Variants in RPS6KC1 observed in about 807,000 individuals in gnomAD.
RPS6KC1 encodes the protein ribosomal protein S6 kinase C1, also known as inactive ribosomal protein S6 kinase delta-1.
In RPS6KC1, 54 loss-of-function variants were observed where a neutral mutation model predicts 103.8. That is an observed-to-expected ratio of 0.52 (90% CI 0.42 to 0.65). RPS6KC1 has a LOEUF of 0.65. Among genes scored for constraint, RPS6KC1 ranks in the 30% least tolerant of loss-of-function variants. The probability of loss-of-function intolerance (pLI) is 0.00; values close to 1 mark genes in which losing one functional copy is unlikely to be tolerated. For synonymous variants in RPS6KC1, 439 were observed against 438.7 expected, an observed-to-expected ratio of 1.00 and a Z score of -0.01; for missense variants, 1,151 against 1,253.8, an observed-to-expected ratio of 0.92 and a Z score of 1.24.
chr1:213,098,388 C>T (rs1475065125), intron 3 of RPS6KC1, among the ~76,000 whole-genome samples: 4 of 151,536 alleles, frequency 2.6e-5, no homozygotes, highest in East Asian at 1.9e-4. Context: ...CTGATCAGCC[C>T]GCCTCAGCCT....
the RPS6KC1 span, among the ~76,000 whole-genome samples, chr1:213,664,059 C>T: frequency 2.6e-5 from 4 of 152,226 alleles, no homozygotes; most frequent in South Asian, 2.1e-4. Flanking sequence ...GTGCAGATGC[C>T]GCAGGTCACA....
At chr1:213,129,980 T>C (rs771542968) in intron 6 of RPS6KC1, 91 bp downstream of exon 6, 24 of 1,240,400 alleles carry the variant, frequency 1.9e-5, no homozygotes, top group Non-Finnish European at 2.5e-5. Context: ...TATAGTCTTA[T>C]GGAAATAATA....
At chr1:213,336,620 CA>C in the RPS6KC1 span, among the ~76,000 whole-genome samples, 1 of 152,148 alleles carries the variant, frequency 6.6e-6, no homozygotes, top group Non-Finnish European at 1.5e-5. Flanking sequence ...ATACCTTTTC[CA>C]ATTTAATCCT....
the RPS6KC1 span, among the ~76,000 whole-genome samples, chr1:213,514,181 TAAAATC>T: frequency 1.3e-5 from 2 of 152,208 alleles, no homozygotes; most frequent in African/African-American, 4.8e-5. Context: ...TTCACAAACT[TAAAATC>T]AAATTTTTAG....
the RPS6KC1 span, among the ~76,000 whole-genome samples, chr1:213,546,126 A>T: frequency 6.6e-6 from 1 of 152,338 alleles, no homozygotes; most frequent in African/African-American, 2.4e-5. Context: ...TGAACTAAAG[A>T]GCAATATAGA....
rs985791980 is a variant in RPS6KC1 at position 213,240,568 on chromosome 1, G to A, written c.1226-134G>A. 9.7e-6 allele frequency: 7 copies of A among 724,998 alleles called. No individual in the cohort carries two copies. The African/African-American group carries it at 1.2e-4, about 13-fold the overall frequency. The allele number at this position is 724,998 out of a possible 1,614,324, so 44.9% of individuals were successfully genotyped here. The stretch of plus-strand genomic sequence containing the variant: ...TTTTATTAAATATGCTTATCTTATG[G>A]CACACGATATTAATGGATATTATTG... On this transcript the variant is annotated intron_variant, in intron 10 of 14. Transcript: ENST00000366960.
the RPS6KC1 span, among the ~76,000 whole-genome samples, chr1:213,350,323 G>A: frequency 2.0e-5 from 3 of 152,188 alleles, no homozygotes; most frequent in Non-Finnish European, 2.9e-5. Flanking sequence ...TGTGCAGTGG[G>A]TGATATTCTG....
chr1:213,822,242 T>G, the RPS6KC1 span: 5,895 of 152,306 alleles, frequency 0.039, 223 homozygotes, highest in East Asian at 0.18. Flanking sequence ...CTTCTGGTTT[T>G]CTTTCTACAT....
At chr1:213,797,138 A>T in the RPS6KC1 span, among the ~76,000 whole-genome samples, 2 of 152,252 alleles carry the variant, frequency 1.3e-5, no homozygotes, top group African/African-American at 4.8e-5. Context: ...GGAAGAAACC[A>T]TAAAACATCA....
intron 8 of RPS6KC1, among the ~76,000 whole-genome samples, chr1:213,199,365 T>G (rs2093067105): frequency 6.6e-6 from 1 of 152,108 alleles, no homozygotes; most frequent in African/African-American, 2.4e-5. Flanking sequence ...CATGATTGAT[T>G]CATCACATAA....
At chr1:213,176,710 A>G in intron 8 of RPS6KC1, 1 of 339,074 alleles carries the variant, frequency 2.9e-6, no homozygotes. Context: ...GAGAAGGCGC[A>G]TATTTGTTGG....
intron 10 of RPS6KC1, among the ~76,000 whole-genome samples, chr1:213,235,428 AAAATT>A (rs1187145641): frequency 3.3e-5 from 5 of 152,178 alleles, no homozygotes; most frequent in Non-Finnish European, 5.9e-5. Flanking sequence ...GCTATGGAGA[AAAATT>A]AAAGGAAAGG....
At chr1:213,158,578 G>A (rs1356119638) in intron 6 of RPS6KC1, among the ~76,000 whole-genome samples, 2 of 152,160 alleles carry the variant, frequency 1.3e-5, no homozygotes, top group African/African-American at 4.8e-5. Flanking sequence ...TTAGTTTATT[G>A]TACTTACAAA....
At chr1:213,695,253 CA>C in the RPS6KC1 span, among the ~76,000 whole-genome samples, 1 of 152,220 alleles carries the variant, frequency 6.6e-6, no homozygotes, top group African/African-American at 2.4e-5. Flanking sequence ...ACATGTCCTA[CA>C]GTGGCACAGT....
intron 1 of RPS6KC1, among the ~76,000 whole-genome samples, chr1:213,062,747 G>C (rs2077959710): frequency 6.6e-6 from 1 of 152,116 alleles, no homozygotes; most frequent in African/African-American, 2.4e-5. Flanking sequence ...AGTAGAGACA[G>C]GGTTTCACCA....
chr1:213,615,054 T>G, the RPS6KC1 span, among the ~76,000 whole-genome samples: 1 of 152,244 alleles, frequency 6.6e-6, no homozygotes, highest in Non-Finnish European at 1.5e-5. Context: ...CAAAACCTGA[T>G]GACACCATAC....
the RPS6KC1 span, among the ~76,000 whole-genome samples, chr1:213,389,503 C>T: frequency 6.6e-5 from 10 of 152,290 alleles, no homozygotes; most frequent in South Asian, 1.9e-3. Flanking sequence ...ACAAGAGGCT[C>T]GCGTGCACAT....
chr1:213,628,340 C>T, the RPS6KC1 span, among the ~76,000 whole-genome samples: 1 of 152,112 alleles, frequency 6.6e-6, no homozygotes, highest in Admixed American at 6.5e-5. Context: ...TGCTAGCGGT[C>T]TATCAATTTT....
At chr1:213,481,729 G>A in the RPS6KC1 span, among the ~76,000 whole-genome samples, 1 of 152,102 alleles carries the variant, frequency 6.6e-6, no homozygotes, top group Non-Finnish European at 1.5e-5. Context: ...TTAAAATCCA[G>A]TTTGAGATTT....
Sources: gnomAD v4.1 joint callset for allele counts (sites outside exome capture counted in the v4.1 genomes callset) on GRCh38, gnomAD v4.1.1 for gene constraint, MANE v1.5 for transcripts, NCBI Gene and HGNC (gene_info 2026-07-23, HGNC 2026-07-21) for gene names.